The following EYS variants were observed in gnomAD, a reference collection of about 807,000 sequenced individuals.
EYS encodes the protein EGF-like photoreceptor maintenance factor.
A neutral mutation model predicts 282.1 loss-of-function variants in EYS; 250 were observed. That is an observed-to-expected ratio of 0.89 (90% CI 0.80 to 0.98). The LOEUF is 0.98. EYS is among the 50% of genes least tolerant of loss of function. The pLI is 0.00. For synonymous variants in EYS, 1,355 were observed against 1,282.9 expected (o/e 1.06, Z -1.20); for missense variants, 4,016 against 3,709.0 (o/e 1.08, Z -2.15).
chr6:65,197,698 C>A (rs1003964953), intron 12 of EYS, among the ~76,000 whole-genome samples: 1 of 152,012 alleles, frequency 6.6e-6, no homozygotes, highest in Non-Finnish European at 1.5e-5. Context: ...GTACTGAAAA[C>A]TATAGTTAAG....
intron 22 of EYS, among the ~76,000 whole-genome samples, chr6:64,798,612 T>C (rs1466599816): frequency 6.7e-6 from 1 of 148,368 alleles, no homozygotes; most frequent in East Asian, 2.0e-4. Flanking sequence ...TTCTGGTTTT[T>C]TTTTTTTTTT....
chr6:64,910,952 C>A (rs1484383347), intron 16 of EYS, among the ~76,000 whole-genome samples: 1 of 151,878 alleles, frequency 6.6e-6, no homozygotes, highest in Non-Finnish European at 1.5e-5. Context: ...ATACTATGGC[C>A]TCCTCAATAA....
chr6:64,735,894 T>C (rs1037287778), intron 22 of EYS, among the ~76,000 whole-genome samples: 1 of 151,964 alleles, frequency 6.6e-6, no homozygotes, highest in South Asian at 2.1e-4. Flanking sequence ...ACTGGGAGAC[T>C]GAAAACATAA....
At chr6:65,417,037 T>C (rs951112494) in intron 5 of EYS, among the ~76,000 whole-genome samples, 8 of 152,026 alleles carry the variant, frequency 5.3e-5, no homozygotes, top group African/African-American at 1.7e-4. Flanking sequence ...AAATACTCAG[T>C]TATTCATCCA....
Position 63,844,958 on chromosome 6 carries a change from G to A in EYS, c.7228+19228C>T, listed in dbSNP as rs575686960. ...TAATGCCTATGTTCTGAATGGTATT[G>A]CCTAGATTTTCTTCTAGGGCTTTTA... On this transcript the variant is annotated intron_variant, in intron 36 of 42. Coordinates refer to ENST00000503581, the MANE Select transcript of EYS (RefSeq NM_001142800.2). 4.6e-5 allele frequency among the ~76,000 whole-genome samples: 7 copies of A among 152,212 alleles called. No individual in the cohort carries two copies. In the South Asian group the frequency reaches 1.5e-3, roughly 32 times the overall value.
chr6:65,149,587 TG>T (rs758350669), intron 12 of EYS, among the ~76,000 whole-genome samples: 11 of 151,780 alleles, frequency 7.2e-5, no homozygotes, highest in Non-Finnish European at 1.2e-4. Flanking sequence ...CAACTCCATC[TG>T]AGACCACCTC....
intron 9 of EYS, among the ~76,000 whole-genome samples, chr6:65,349,452 C>A (rs1217857556): frequency 6.6e-6 from 1 of 151,442 alleles, no homozygotes; most frequent in Non-Finnish European, 1.5e-5. Context: ...GAGTTGAAAT[C>A]TTTAAAAGTT....
intron 36 of EYS, among the ~76,000 whole-genome samples, chr6:63,827,608 G>A (rs1022306165): frequency 6.6e-6 from 1 of 152,120 alleles, no homozygotes; most frequent in Non-Finnish European, 1.5e-5. Context: ...ACTTTGGGAG[G>A]CCGAGGCGGG....
intron 1 of EYS, among the ~76,000 whole-genome samples, chr6:65,701,034 AGGTTGCT>A (rs1409177186): frequency 6.6e-6 from 1 of 152,144 alleles, no homozygotes; most frequent in East Asian, 1.9e-4. Flanking sequence ...ATGGATACAC[AGGTTGCT>A]TTCAACTCCC....
intron 22 of EYS, among the ~76,000 whole-genome samples, chr6:64,772,359 T>C (rs1292673132): frequency 6.6e-6 from 1 of 151,724 alleles, no homozygotes; most frequent in African/African-American, 2.4e-5. Flanking sequence ...TATCAGCTTT[T>C]CTTTTGAATT....
intron 30 of EYS, among the ~76,000 whole-genome samples, chr6:64,253,645 C>T (rs1197942432): frequency 6.6e-6 from 1 of 152,118 alleles, no homozygotes; most frequent in Non-Finnish European, 1.5e-5. Context: ...ACCTGGCCCT[C>T]ACATGCCATC....
chr6:65,697,822 A>G (rs1769510390), intron 1 of EYS, among the ~76,000 whole-genome samples: 1 of 152,158 alleles, frequency 6.6e-6, no homozygotes, highest in Admixed American at 6.5e-5. Context: ...CAGTATGCCC[A>G]TTGCCTAATA....
At chr6:64,985,219 T>C (rs1198451812) in intron 14 of EYS, among the ~76,000 whole-genome samples, 1 of 151,584 alleles carries the variant, frequency 6.6e-6, no homozygotes, top group Non-Finnish European at 1.5e-5. Context: ...GCGAAAGGTC[T>C]TAACCTATAC....
chr6:63,952,782 A>C (rs1312954686), intron 35 of EYS, among the ~76,000 whole-genome samples: 1 of 152,016 alleles, frequency 6.6e-6, no homozygotes, highest in Non-Finnish European at 1.5e-5. Flanking sequence ...CAAGTATGGG[A>C]CACCTCTACT....
In EYS at chr6:65,475,735, TGACAGACA is replaced by T. The variant is rs752123081; in HGVS notation, c.862+14851_862+14858del. Among the ~76,000 whole-genome samples, 739 of 150,298 alleles carry T rather than the reference TGACAGACA, an allele frequency of 4.9e-3. 11 individuals carry two copies. The highest frequency in any genetic ancestry group is 0.016 in the South Asian group (76 of 4,702). On this transcript the variant is annotated intron_variant, in intron 5 of 42. Coordinates refer to ENST00000503581, the MANE Select transcript of EYS (RefSeq NM_001142800.2). ...TCATTTTATAAATTTTTGTACCCCC[TGACAGACA>T]GACAGACAGACAGACACACACACAC... is the stretch of plus-strand genomic sequence containing the variant.
At chr6:64,260,030 T>C (rs1767537108) in intron 30 of EYS, among the ~76,000 whole-genome samples, 1 of 152,112 alleles carries the variant, frequency 6.6e-6, no homozygotes, top group Non-Finnish European at 1.5e-5. Flanking sequence ...GACTTAATGT[T>C]TTACTTCTCT....
At chr6:64,953,584 A>T (rs1407345167) in intron 14 of EYS, among the ~76,000 whole-genome samples, 1 of 151,852 alleles carries the variant, frequency 6.6e-6, no homozygotes, top group Non-Finnish European at 1.5e-5. Flanking sequence ...TTTATTTATA[A>T]AAACAAACAG....
At chr6:65,074,039 A>T (rs971895399) in intron 12 of EYS, among the ~76,000 whole-genome samples, 1 of 151,986 alleles carries the variant, frequency 6.6e-6, no homozygotes, top group Non-Finnish European at 1.5e-5. Context: ...CCTAGGTGGT[A>T]GTTATAAGAG....
At chr6:65,438,615 G>A (rs1463654751) in intron 5 of EYS, among the ~76,000 whole-genome samples, 1 of 152,148 alleles carries the variant, frequency 6.6e-6, no homozygotes, top group Non-Finnish European at 1.5e-5. Flanking sequence ...CAGTGATGAT[G>A]AGCATTTTTT....
Sources: gnomAD v4.1 joint callset for allele counts (sites outside exome capture counted in the v4.1 genomes callset) on GRCh38, gnomAD v4.1.1 for gene constraint, MANE v1.5 for transcripts, NCBI Gene and HGNC (gene_info 2026-07-23, HGNC 2026-07-21) for gene names.